The following NEK1 variants were observed in gnomAD, a reference collection of about 807,000 sequenced individuals.
The protein encoded by NEK1 is serine/threonine-protein kinase Nek1.
A neutral mutation model predicts 182.1 loss-of-function variants in NEK1; 137 were observed. That is an observed-to-expected ratio of 0.75 (90% CI 0.65 to 0.87). The LOEUF is 0.87. Among genes scored for constraint, NEK1 ranks in the 40% least tolerant of loss-of-function variants. NEK1 has a pLI of 0.00. For synonymous variants in NEK1, 513 were observed against 492.2 expected, an observed-to-expected ratio of 1.04 and a Z score of -0.56; for missense variants, 1,391 against 1,494.4, an observed-to-expected ratio of 0.93 and a Z score of 1.14.
intron 19 of NEK1, among the ~76,000 whole-genome samples, chr4:169,528,535 C>G (rs562496245): frequency 6.6e-6 from 1 of 152,252 alleles, no homozygotes. Flanking sequence ...TTGTGAGACT[C>G]CAGGTAGAAG....
intron 23 of NEK1, among the ~76,000 whole-genome samples, chr4:169,490,640 C>G (rs1197681338): frequency 2.0e-5 from 3 of 151,632 alleles, no homozygotes; most frequent in South Asian, 4.2e-4. Flanking sequence ...CAAAAAGAAC[C>G]AAACAGAAAT....
chr4:169,588,731 C>T lies in NEK1; in HGVS notation c.469G>A (p.Val157Ile). 2 of 1,539,416 alleles carry T rather than the reference C, an allele frequency of 1.3e-6. No homozygotes were observed. Among genetic ancestry groups the T allele is most frequent in the Non-Finnish European group, 1.8e-6 (2 of 1,135,932 alleles). Residue 157 changes from valine (V) to isoleucine (I), a missense_variant, in exon 8 of 36, where the codon GTA becomes ATA. By Grantham distance (29) the Val-to-Ile change is conservative. Coordinates refer to ENST00000507142, the MANE Select transcript of NEK1 (RefSeq NM_001199397.3). ...CCTATGCAAGTTCGAGCCAGCTCTA[C>T]AGTACTAGAAGAAAAATAAAATTAT... ...FGIARVLNST[V>I]ELARTCIGTP...
At chr4:169,446,015 G>A (rs931632295) in intron 27 of NEK1, among the ~76,000 whole-genome samples, 2 of 151,708 alleles carry the variant, frequency 1.3e-5, no homozygotes, top group Admixed American at 6.6e-5. Flanking sequence ...CTTATAGGTG[G>A]GAGCTAAAAA....
Position 169,463,366 on chromosome 4 carries a change from CTAATT to C in NEK1, c.2459_2463del (p.Lys820ArgfsTer3). On this transcript the variant is annotated frameshift_variant, in exon 27 of 36. Coordinates refer to ENST00000507142, the MANE Select transcript of NEK1 (RefSeq NM_001199397.3). LOFTEE classifies it high-confidence loss of function. ...GCTCTTCTTGGAGATCCATTAGGAC[CTAATT>C]TAATAACTTCTCCCACTGTATGTCC... 2 of 1,607,220 alleles carry C rather than the reference CTAATT, an allele frequency of 1.2e-6. No homozygotes were observed. The highest frequency in any genetic ancestry group is 1.7e-6 in the Non-Finnish European group (2 of 1,175,948).
At chr4:169,532,791 T>C (rs1426315087) in intron 19 of NEK1, among the ~76,000 whole-genome samples, 2 of 5,406 alleles carry the variant, frequency 3.7e-4, no homozygotes, top group African/African-American at 5.9e-4. Context: ...AAAAAAAATA[T>C]GAAAAAAAAA....
chr4:169,610,611 C>T (rs1476322529), intron 2 of NEK1, among the ~76,000 whole-genome samples: 1 of 152,178 alleles, frequency 6.6e-6, no homozygotes, highest in African/African-American at 2.4e-5. Flanking sequence ...CAGCACCCAG[C>T]CACTAAGAAT....
intron 8 of NEK1, 71 bp from the exon 9 acceptor site, chr4:169,587,684 G>C: frequency 1.1e-6 from 1 of 904,160 alleles, no homozygotes; most frequent in South Asian, 1.8e-5. Context: ...AACACAAACA[G>C]CATAAAAGTG....
chr4:169,437,945 T>C (rs558824124), intron 28 of NEK1, 138 bp downstream of exon 28: 2 of 672,414 alleles, frequency 3.0e-6, no homozygotes, highest in South Asian at 6.8e-5. Flanking sequence ...GACCAATAGC[T>C]AAAAATATAA....
chr4:169,452,485 C>T (rs143647000), intron 27 of NEK1, among the ~76,000 whole-genome samples: 3 of 152,156 alleles, frequency 2.0e-5, no homozygotes, highest in African/African-American at 7.2e-5. Context: ...TGGCTTCATC[C>T]CTGGGATGCA....
chr4:169,396,314 C>T (rs990131643), intron 35 of NEK1, among the ~76,000 whole-genome samples: 4 of 122,340 alleles, frequency 3.3e-5, no homozygotes, highest in Non-Finnish European at 6.3e-5. Flanking sequence ...TGCAGTGAGC[C>T]GAGATCATGT....
Position 169,438,068 on chromosome 4 carries a change from C to A in NEK1, c.2764+15G>T. On this transcript the variant is annotated intron_variant, in intron 28 of 35. Coordinates refer to ENST00000507142, the MANE Select transcript of NEK1 (RefSeq NM_001199397.3). ...CTAAATCAAATATAGCTCATTTTGA[C>A]TCATTAGAACATACCTTCTAAATTT... is the stretch of plus-strand genomic sequence containing the variant. The A allele has an allele frequency of 6.3e-7, 1 of 1,579,950 alleles. No homozygotes were observed. Among genetic ancestry groups the A allele is most frequent in the Non-Finnish European group, 8.6e-7 (1 of 1,162,438 alleles).
intron 31 of NEK1, among the ~76,000 whole-genome samples, chr4:169,410,252 A>G (rs1238508591): frequency 2.0e-5 from 3 of 152,110 alleles, no homozygotes; most frequent in Admixed American, 6.5e-5. Flanking sequence ...TGGTACCATT[A>G]TAAGTTCAAA....
chr4:169,528,776 C>T (rs1475957475), intron 19 of NEK1, among the ~76,000 whole-genome samples: 1 of 152,160 alleles, frequency 6.6e-6, no homozygotes, highest in African/African-American at 2.4e-5. Flanking sequence ...CCAACTGGAT[C>T]TAATAAAAGT....
intron 19 of NEK1, among the ~76,000 whole-genome samples, chr4:169,530,625 C>T (rs542838099): frequency 1.9e-4 from 29 of 150,608 alleles, no homozygotes; most frequent in African/African-American, 6.8e-4. Flanking sequence ...GTAACCCCAT[C>T]GTAAGTCAAG....
intron 27 of NEK1, among the ~76,000 whole-genome samples, chr4:169,443,051 T>TTATCTATC (rs58470007): frequency 0.24 from 34,593 of 141,500 alleles, 4,448 homozygotes; most frequent in African/African-American, 0.28. Flanking sequence ...TAAAAATATT[T>TTATCTATC]TATCTATCTA....
chr4:169,599,529 C>A (rs1770122458), intron 4 of NEK1, among the ~76,000 whole-genome samples: 1 of 152,192 alleles, frequency 6.6e-6, no homozygotes, highest in Non-Finnish European at 1.5e-5. Flanking sequence ...AAATGTCACA[C>A]ATAAAATCAT....
intron 18 of NEK1, among the ~76,000 whole-genome samples, chr4:169,544,240 AT>A (rs1481594461): frequency 6.6e-6 from 1 of 152,118 alleles, no homozygotes; most frequent in East Asian, 1.9e-4. Context: ...GGTTTTTGTC[AT>A]TAGTTCTGTT....
intron 26 of NEK1, among the ~76,000 whole-genome samples, chr4:169,464,624 T>A (rs1347348615): frequency 1.3e-5 from 2 of 152,096 alleles, no homozygotes; most frequent in African/African-American, 4.8e-5. Context: ...ACCTGTATTA[T>A]GTTTCTATAA....
chr4:169,405,726 T>C (rs770783343), intron 32 of NEK1, among the ~76,000 whole-genome samples: 1 of 151,688 alleles, frequency 6.6e-6, no homozygotes, highest in Non-Finnish European at 1.5e-5. Flanking sequence ...CTCAAACTCT[T>C]GGGCTCAAAT....
Sources: allele counts gnomAD v4.1 joint callset (sites outside exome capture counted in the v4.1 genomes callset), GRCh38; gene constraint gnomAD v4.1.1; transcripts MANE v1.5; gene names NCBI Gene and HGNC (gene_info 2026-07-23, HGNC 2026-07-21).